The following RHBDL2 variants were observed in gnomAD, a reference collection of about 807,000 sequenced individuals.
The protein encoded by RHBDL2 is rhomboid like 2.
A neutral mutation model predicts 31.7 loss-of-function variants in RHBDL2; 26 were observed. The observed-to-expected ratio is 0.82, with a 90% CI of 0.60 to 1.14. The LOEUF (loss-of-function observed/expected upper bound fraction) is 1.14, where lower values mean the gene tolerates loss of function less well. Among genes scored for constraint, RHBDL2 ranks in the 50% most tolerant of loss-of-function variants. The probability of loss-of-function intolerance (pLI) is 0.00; values close to 1 mark genes in which losing one functional copy is unlikely to be tolerated. For synonymous variants in RHBDL2, 123 were observed against 127.2 expected (o/e 0.97, Z 0.22); for missense variants, 336 against 364.4 (o/e 0.92, Z 0.63).
At chr1:38,903,564 G>C (rs1195826026) in intron 4 of RHBDL2, among the ~76,000 whole-genome samples, 1 of 152,132 alleles carries the variant, frequency 6.6e-6, no homozygotes, top group Non-Finnish European at 1.5e-5. Flanking sequence ...ATGCTGAGAG[G>C]AATTTTGAAA....
intron 1 of RHBDL2, among the ~76,000 whole-genome samples, chr1:38,935,909 C>T (rs530928401): frequency 3.9e-5 from 6 of 152,066 alleles, no homozygotes; most frequent in African/African-American, 1.4e-4. Context: ...CCACCACACC[C>T]GGCCCTATTT....
chr1:38,909,950 T>A (rs1643118070), intron 4 of RHBDL2, among the ~76,000 whole-genome samples: 1 of 152,174 alleles, frequency 6.6e-6, no homozygotes, highest in African/African-American at 2.4e-5. Flanking sequence ...ACAACTCAGA[T>A]AACCTTCAAT....
chr1:38,894,597 A>C (rs1175201706), intron 5 of RHBDL2, among the ~76,000 whole-genome samples: 1 of 152,128 alleles, frequency 6.6e-6, no homozygotes, highest in East Asian at 1.9e-4. Flanking sequence ...CTGGGATTAC[A>C]GGCATGAGCC....
chr1:38,929,232 G>A (rs900126319), intron 1 of RHBDL2, among the ~76,000 whole-genome samples: 1 of 152,108 alleles, frequency 6.6e-6, no homozygotes. Context: ...ATTCCCGAAC[G>A]GAAGCTGTAG....
intron 1 of RHBDL2, 36 bp from the exon 2 acceptor site, chr1:38,919,373 A>C: frequency 6.6e-7 from 1 of 1,524,302 alleles, no homozygotes; most frequent in South Asian, 1.3e-5. Flanking sequence ...AGATGATCAA[A>C]ATGATCTAAA....
At chr1:38,904,376 G>A (rs9438987) in intron 4 of RHBDL2, among the ~76,000 whole-genome samples, 54,697 of 151,970 alleles carry the variant, frequency 0.36, 10,980 homozygotes, top group Non-Finnish European at 0.45. Flanking sequence ...AGTAGGCTGA[G>A]GCAGGAGAAT....
intron 1 of RHBDL2, chr1:38,929,255 G>A: frequency 2.2e-6 from 1 of 460,418 alleles, no homozygotes; most frequent in Non-Finnish European, 3.7e-6. Flanking sequence ...GAAGTGGCAG[G>A]TCACTACCCC....
At chr1:38,925,232 T>C (rs1001544664) in intron 1 of RHBDL2, among the ~76,000 whole-genome samples, 4 of 151,904 alleles carry the variant, frequency 2.6e-5, no homozygotes, top group African/African-American at 9.7e-5. Context: ...GCATGGTAGC[T>C]CACACCTGTA....
At chr1:38,905,320 C>T (rs61780052) in intron 4 of RHBDL2, among the ~76,000 whole-genome samples, 78,233 of 151,634 alleles carry the variant, frequency 0.52, 23,088 homozygotes, top group Non-Finnish European at 0.67. Context: ...CTGCCTTGGC[C>T]TCCCATAGTG....
rs556175165 is a variant in RHBDL2, at chr1:38,938,532, C to T, written c.-126+3150G>A. Among the ~76,000 whole-genome samples the T allele has an allele frequency of 2.6e-5, 4 of 152,180 alleles. No homozygotes were observed. In the South Asian group the frequency reaches 8.3e-4, roughly 31 times the overall value. On this transcript the variant is annotated intron_variant, in intron 1 of 7. Coordinates refer to ENST00000372990, the MANE Select transcript of RHBDL2 (RefSeq NM_017821.5). ...TCATGAGCTCCTCCCTCTGCTAGAA[C>T]ATCCTCCCACACTCCCCATTTGTTG... is the stretch of plus-strand genomic sequence containing the variant.
intron 3 of RHBDL2, among the ~76,000 whole-genome samples, chr1:38,912,910 A>ATATGTGTGTGTGTGTGTGTG (rs1399583863): frequency 2.4e-5 from 1 of 41,390 alleles, no homozygotes; most frequent in African/African-American, 9.2e-5. Flanking sequence ...ATATATATAT[A>ATATGTGTGTGTGTGTGTGTG]TGTGTGTGTG....
At chr1:38,906,234 G>T (rs930836172) in intron 4 of RHBDL2, among the ~76,000 whole-genome samples, 1 of 152,028 alleles carries the variant, frequency 6.6e-6, no homozygotes, top group African/African-American at 2.4e-5. Context: ...AGAAACAAAA[G>T]GCATATAGAT....
At position 38,915,704 on chromosome 1, in the gene RHBDL2, C is replaced by G; in HGVS notation, c.253G>C (p.Val85Leu). 2 of 1,614,134 alleles carry G rather than the reference C, an allele frequency of 1.2e-6. No homozygotes were observed. Among genetic ancestry groups the G allele is most frequent in the Middle Eastern group, 1.7e-4 (1 of 6,060 alleles). Reference sequence around the variant, plus strand: ...TTCCACACAGCATAGTAAATAAACACTGCCAGCTGATGGAGGGAGCAGACA... The same window carrying G: ...TTCCACACAGCATAGTAAATAAACAGTGCCAGCTGATGGAGGGAGCAGACA... Reference protein sequence around the residue: ...IISISLAELAVFIYYAVWKPQ... With the variant: ...IISISLAELALFIYYAVWKPQ... The change falls in exon 3 of 8, where the codon GTG (valine) becomes CTG (leucine). Residue 85 changes from valine to leucine, a missense_variant. Coordinates refer to ENST00000372990, the MANE Select transcript of RHBDL2 (RefSeq NM_017821.5).
intron 4 of RHBDL2, among the ~76,000 whole-genome samples, chr1:38,907,099 A>G (rs985263470): frequency 6.6e-6 from 1 of 152,250 alleles, no homozygotes; most frequent in Non-Finnish European, 1.5e-5. Context: ...TAGCCCCCAC[A>G]AAACTATAGG....
chr1:38,916,625 A>G (rs1643239231), intron 2 of RHBDL2, among the ~76,000 whole-genome samples: 1 of 152,070 alleles, frequency 6.6e-6, no homozygotes, highest in Non-Finnish European at 1.5e-5. Flanking sequence ...AGGCAGGTGG[A>G]TCACCTGAGG....
intron 2 of RHBDL2, among the ~76,000 whole-genome samples, chr1:38,917,167 G>A (rs1335368098): frequency 5.3e-5 from 8 of 151,130 alleles, no homozygotes; most frequent in African/African-American, 1.2e-4. Flanking sequence ...ACAGGTGCCC[G>A]CCACCATGCC....
chr1:38,937,230 G>A (rs1643520798), intron 1 of RHBDL2, among the ~76,000 whole-genome samples: 1 of 152,206 alleles, frequency 6.6e-6, no homozygotes, highest in South Asian at 2.1e-4. Context: ...ACAGGCGTGA[G>A]CCACCGCGCC....
chr1:38,910,753 C>CTTTTTTTTTTTTTTTTTT (rs765064879), intron 4 of RHBDL2, among the ~76,000 whole-genome samples: 15 of 111,046 alleles, frequency 1.4e-4, no homozygotes, highest in East Asian at 5.0e-4. Context: ...TATTCCTTTT[C>CTTTTTTTTTTTTTTTTTT]TTTTTTTTTT....
chr1:38,930,372 T>G (rs1643426987), intron 1 of RHBDL2, among the ~76,000 whole-genome samples: 1 of 152,202 alleles, frequency 6.6e-6, no homozygotes. Flanking sequence ...GCATCCATGA[T>G]TACATACCTA....
Sources: gnomAD v4.1 joint callset for allele counts (sites outside exome capture counted in the v4.1 genomes callset) on GRCh38, gnomAD v4.1.1 for gene constraint, MANE v1.5 for transcripts, NCBI Gene and HGNC (gene_info 2026-07-23, HGNC 2026-07-21) for gene names.